Variants in ARHGAP21 observed in about 807,000 individuals in gnomAD.
ARHGAP21 encodes the protein Rho GTPase activating protein 21, also known as rho GTPase-activating protein 21.
ARHGAP21 carries 38 observed loss-of-function variants against 164.6 expected under a neutral mutation model. That is an observed-to-expected ratio of 0.23 (90% CI 0.18 to 0.30). ARHGAP21 has a LOEUF of 0.30. ARHGAP21 is among the 10% of genes least tolerant of loss of function. The probability of loss-of-function intolerance (pLI) is 1.00; values close to 1 mark genes in which losing one functional copy is unlikely to be tolerated. For missense variants in ARHGAP21, 1,822 were observed against 2,370.7 expected (o/e 0.77, Z 4.81); for synonymous variants, 766 against 857.9 (o/e 0.89, Z 1.87).
rs148846255 is a variant in ARHGAP21, at chr10:24,675,148, A to G, written c.64-4751T>C. Among the ~76,000 whole-genome samples the G allele has an allele frequency of 1.5e-3, 231 of 152,380 alleles. 5 individuals carry two copies. In the East Asian group the frequency reaches 0.038, roughly 25 times the overall value. On this transcript the variant is annotated intron_variant, in intron 2 of 25. Transcript: ENST00000396432. ...TGTGCATAGCAACTTTATTATAGCC[A>G]CAAACTGGAAAACAACTGAAATATT...
At chr10:24,594,862 T>TTATTGACTA (rs1316147724) in intron 21 of ARHGAP21, 88 bp downstream of exon 21, 22 of 1,120,054 alleles carry the variant, frequency 2.0e-5, no homozygotes, top group Non-Finnish European at 2.6e-5. Flanking sequence ...TACAAACCTT[T>TTATTGACTA]TATTGACTAT....
intron 2 of ARHGAP21, among the ~76,000 whole-genome samples, chr10:24,707,066 GCGC>G (rs1186563282): frequency 2.6e-5 from 4 of 152,158 alleles, no homozygotes; most frequent in Non-Finnish European, 5.9e-5. Flanking sequence ...CCTCTCAGTA[GCGC>G]CACACAGAGC....
intron 13 of ARHGAP21, among the ~76,000 whole-genome samples, chr10:24,601,674 C>T (rs1049314454): frequency 5.3e-5 from 8 of 152,062 alleles, no homozygotes; most frequent in African/African-American, 9.7e-5. Flanking sequence ...TAACCCATTG[C>T]TAATAAACTA....
At position 24,619,496 on chromosome 10, in the gene ARHGAP21, G is replaced by C. The variant is rs770441576; in HGVS notation, c.2399C>G (p.Ser800Cys). ...KASSTSPPGD[S>C]LASIPFIDEP... The stretch of plus-strand genomic sequence containing the variant: ...ACCTATAAATGGGATGGAAGCCAAA[G>C]AATCGCCAGGCGGACTGGTACTCGA... Residue 800 changes from serine (S) to cysteine (C), a missense_variant, in exon 9 of 26, where the codon TCT becomes TGT. Transcript: ENST00000396432. The C allele has an allele frequency of 9.3e-6, 15 of 1,613,978 alleles. No homozygotes were observed. Among genetic ancestry groups the C allele is most frequent in the Non-Finnish European group, 1.3e-5 (15 of 1,179,982 alleles).
intron 4 of ARHGAP21, among the ~76,000 whole-genome samples, chr10:24,639,306 T>C (rs952499235): frequency 1.3e-5 from 2 of 152,186 alleles, no homozygotes; most frequent in African/African-American, 4.8e-5. Flanking sequence ...CAAGTGATTT[T>C]AGATGAATGA....
chr10:24,691,365 A>G (rs891227848), intron 2 of ARHGAP21, among the ~76,000 whole-genome samples: 2 of 152,234 alleles, frequency 1.3e-5, no homozygotes, highest in African/African-American at 4.8e-5. Context: ...TGAGGCTGTC[A>G]TCCAACTTCT....
Position 24,671,974 on chromosome 10 carries a change from C to T in ARHGAP21, c.64-1577G>A, listed in dbSNP as rs1840751244. On this transcript the variant is annotated intron_variant, in intron 2 of 25. Coordinates refer to ENST00000396432, the MANE Select transcript of ARHGAP21 (RefSeq NM_020824.4). The stretch of plus-strand genomic sequence containing the variant: ...TGAGCTCCTATGCTCAAGTGATCCT[C>T]CTGGCTCAGCCTCCCAAAGTGGTGG... 2.0e-5 allele frequency among the ~76,000 whole-genome samples: 3 copies of T among 148,356 alleles called. No individual in the cohort carries two copies. In the South Asian group the frequency reaches 6.4e-4, roughly 32 times the overall value.
intron 2 of ARHGAP21, among the ~76,000 whole-genome samples, chr10:24,718,497 G>A (rs988673665): frequency 6.6e-6 from 1 of 152,128 alleles, no homozygotes; most frequent in Non-Finnish European, 1.5e-5. Flanking sequence ...AATGGGGCAA[G>A]AAGAGGAAGA....
chr10:24,596,768 T>A lies in ARHGAP21; in HGVS notation c.3449A>T (p.Asp1150Val). The change falls in exon 17 of 26, where the codon GAT becomes GTT. Residue 1150 changes from aspartate to valine, a missense_variant. This residue lies in a region of ARHGAP21 where 117 missense variants were observed against 238.1 expected (regional missense o/e 0.49). Coordinates refer to ENST00000396432, the MANE Select transcript of ARHGAP21 (RefSeq NM_020824.4). Reference sequence around the variant, plus strand: ...ATTAGTATGAGCTGGTGGGCAGTCATCTAGTCGGACGCCGAAAGTTCCTGT... The same window carrying A: ...ATTAGTATGAGCTGGTGGGCAGTCAACTAGTCGGACGCCGAAAGTTCCTGT... ...TATGTFGVRL[D>V]DCPPAHTNRY... The A allele has an allele frequency of 6.2e-7, 1 of 1,612,898 alleles. No individual in the cohort carries two copies. The highest frequency in any genetic ancestry group is 1.1e-5 in the South Asian group (1 of 90,720).
chr10:24,628,950 C>CTATATAT lies in ARHGAP21; in HGVS notation c.495+1045_495+1046insATATATA, dbSNP rs1565054194. The CTATATAT allele has an allele frequency of 1.1e-4, 6 of 53,570 alleles. 1 individual carries two copies. The highest frequency in any genetic ancestry group is 2.5e-4 in the African/African-American group (3 of 11,940). The allele number at this position is 53,570 out of a possible 1,614,324, so 3.3% of individuals were successfully genotyped here. On this transcript the variant is annotated intron_variant, in intron 7 of 25. Coordinates refer to ENST00000396432, the MANE Select transcript of ARHGAP21 (RefSeq NM_020824.4). The stretch of plus-strand genomic sequence containing the variant: ...ATACATACATATATATACACACACA[C>CTATATAT]ACTATATATATATATATATATATAT...
chr10:24,647,932 G>A (rs545556780), intron 4 of ARHGAP21, among the ~76,000 whole-genome samples: 61 of 152,268 alleles, frequency 4.0e-4, no homozygotes, highest in African/African-American at 1.5e-3. Context: ...CTGCCTCTTG[G>A]GTTCAAGTGA....
At chr10:24,635,867 T>C (rs1333117081) in intron 4 of ARHGAP21, among the ~76,000 whole-genome samples, 1 of 152,216 alleles carries the variant, frequency 6.6e-6, no homozygotes, top group Non-Finnish European at 1.5e-5. Context: ...TAATACTGCA[T>C]TGTGCTAAGC....
intron 2 of ARHGAP21, among the ~76,000 whole-genome samples, chr10:24,715,958 C>G (rs111442693): frequency 0.019 from 2,836 of 152,238 alleles, 76 homozygotes; most frequent in African/African-American, 0.053. Flanking sequence ...GCTGTGAGCG[C>G]AGATTGCACC....
chr10:24,644,383 A>G (rs995137040), intron 4 of ARHGAP21, among the ~76,000 whole-genome samples: 1 of 152,120 alleles, frequency 6.6e-6, no homozygotes, highest in Non-Finnish European at 1.5e-5. Context: ...ACCTTCAGTT[A>G]CCTCTAATTC....
intron 2 of ARHGAP21, among the ~76,000 whole-genome samples, chr10:24,718,981 A>C (rs1369914159): frequency 6.6e-6 from 1 of 152,048 alleles, no homozygotes; most frequent in African/African-American, 2.4e-5. Flanking sequence ...TGAAAGATGA[A>C]GCTATATGGA....
rs150533420 is a variant in ARHGAP21 at position 24,670,306 on chromosome 10, G to A, written c.155C>T (p.Thr52Met). 8.9e-5 allele frequency: 144 copies of A among 1,609,802 alleles called. No individual in the cohort carries two copies. In the East Asian group the frequency reaches 1.8e-3, roughly 20 times the overall value. The change falls in exon 3 of 26, where the codon ACG becomes ATG. Residue 52 changes from threonine (T) to methionine (M), a missense_variant. Transcript: ENST00000396432. ...TFSWPGPKTV[T>M]LKRTSQGFGF... ...AAAGCCTTGAGATGTTCTTTTCAAC[G>A]TAACTGTTTTGGGACCTGGCCAGGA...
At chr10:24,676,201 C>T (rs773764097) in intron 2 of ARHGAP21, among the ~76,000 whole-genome samples, 6 of 152,180 alleles carry the variant, frequency 3.9e-5, no homozygotes, top group Non-Finnish European at 5.9e-5. Flanking sequence ...GAATTTAACA[C>T]TGGAAAAAAT....
At chr10:24,689,727 T>A (rs1342053201) in intron 2 of ARHGAP21, among the ~76,000 whole-genome samples, 2 of 151,864 alleles carry the variant, frequency 1.3e-5, no homozygotes, top group African/African-American at 4.8e-5. Context: ...GACATCAGGG[T>A]CAAGGTCTCT....
chr10:24,634,672 T>C (rs1031133990), intron 5 of ARHGAP21, among the ~76,000 whole-genome samples: 1 of 152,238 alleles, frequency 6.6e-6, no homozygotes, highest in Non-Finnish European at 1.5e-5. Context: ...ATTTCACTTA[T>C]ATCAAATAAA....
Sources: allele counts gnomAD v4.1 joint callset (sites outside exome capture counted in the v4.1 genomes callset), GRCh38; gene constraint gnomAD v4.1.1; regional missense constraint gnomAD v4.1.1; transcripts MANE v1.5; gene names NCBI Gene and HGNC (gene_info 2026-07-23, HGNC 2026-07-21).